The following SLC4A5 variants were observed in gnomAD, a reference collection of about 807,000 sequenced individuals.
The protein encoded by SLC4A5 is solute carrier family 4 member 5, also known as electrogenic sodium bicarbonate cotransporter 4.
Under a neutral mutation model 120.4 loss-of-function variants are expected in SLC4A5, and 96 were observed. The observed-to-expected ratio is 0.80, with a 90% CI of 0.68 to 0.94. The LOEUF (loss-of-function observed/expected upper bound fraction) is 0.94, where lower values mean the gene tolerates loss of function less well. Among genes scored for constraint, SLC4A5 ranks in the 40% least tolerant of loss-of-function variants. The pLI is 0.00. For synonymous variants in SLC4A5, 550 were observed against 571.1 expected (o/e 0.96, Z 0.53); for missense variants, 1,259 against 1,459.5 (o/e 0.86, Z 2.24).
chr2:74,248,875 G>A (rs1412898612), intron 17 of SLC4A5, among the ~76,000 whole-genome samples: 2 of 152,236 alleles, frequency 1.3e-5, no homozygotes, highest in Non-Finnish European at 2.9e-5. Context: ...AGTCCGCTGA[G>A]TGTCTGCTGT....
At chr2:74,262,099 G>T in intron 11 of SLC4A5, 38 bp downstream of exon 11, 1 of 1,591,258 alleles carries the variant, frequency 6.3e-7, no homozygotes, top group South Asian at 1.1e-5. Flanking sequence ...GCCACAGCCT[G>T]AATAAAGCTG....
At chr2:74,305,472 T>A (rs952334103) in intron 6 of SLC4A5, among the ~76,000 whole-genome samples, 1 of 152,170 alleles carries the variant, frequency 6.6e-6, no homozygotes, top group African/African-American at 2.4e-5. Context: ...CTTTCCCTAT[T>A]ATTAACATCT....
intron 5 of SLC4A5, among the ~76,000 whole-genome samples, chr2:74,321,816 A>T (rs147298466): frequency 4.6e-5 from 7 of 151,756 alleles, no homozygotes; most frequent in African/African-American, 1.7e-4. Flanking sequence ...CTCAGGCATG[A>T]GCTGGGATCT....
chr2:74,265,093 C>T lies in SLC4A5; in HGVS notation c.562+11G>A. ...CCACAGGAGAGATGCACACAGTGGC[C>T]CCTGCCTCACCTATGATCTGTGGTA... On this transcript the variant is annotated intron_variant, in intron 9 of 30. Coordinates refer to ENST00000394019, the Ensembl canonical transcript of SLC4A5. 1 of 1,609,408 alleles carries T rather than the reference C, an allele frequency of 6.2e-7. No individual in the cohort carries two copies. Among genetic ancestry groups the T allele is most frequent in the Admixed American group, 1.7e-5 (1 of 59,870 alleles).
In SLC4A5 at chr2:74,242,067, A is replaced by G; in HGVS notation, c.2060-15T>C. The G allele has an allele frequency of 3.1e-6, 5 of 1,601,172 alleles. No homozygotes were observed. Among genetic ancestry groups the G allele is most frequent in the Non-Finnish European group, 4.3e-6 (5 of 1,171,478 alleles). ...GGTTGTATTCACTGTGGATGAGCAC[A>G]TGACACGGGGCAGGGTCAGCAGCTG... On this transcript the variant is annotated splice_polypyrimidine_tract_variant and intron_variant, in intron 19 of 30. Coordinates refer to ENST00000394019, the Ensembl canonical transcript of SLC4A5.
At chr2:74,318,669 T>C (rs1011368103) in intron 5 of SLC4A5, among the ~76,000 whole-genome samples, 3 of 146,026 alleles carry the variant, frequency 2.1e-5, no homozygotes, top group Non-Finnish European at 4.5e-5. Context: ...GGCGACAGAG[T>C]GAGACTCTGT....
chr2:74,342,074 T>G (rs957480982), intron 2 of SLC4A5, among the ~76,000 whole-genome samples: 10 of 152,144 alleles, frequency 6.6e-5, no homozygotes, highest in African/African-American at 2.4e-4. Context: ...CCTCTTAAGA[T>G]AGGGAAGTAG....
At chr2:74,286,182 C>T (rs2104172600) in intron 7 of SLC4A5, among the ~76,000 whole-genome samples, 1 of 152,272 alleles carries the variant, frequency 6.6e-6, no homozygotes, top group Admixed American at 6.5e-5. Flanking sequence ...GAAGCCAGGG[C>T]AGTAGCAAGA....
chr2:74,266,410 A>G (rs1671303983), intron 8 of SLC4A5, among the ~76,000 whole-genome samples: 1 of 152,080 alleles, frequency 6.6e-6, no homozygotes, highest in Non-Finnish European at 1.5e-5. Context: ...CTGGGACTAC[A>G]TGCATGCACC....
chr2:74,231,557 T>G (rs1670085118), intron 24 of SLC4A5, among the ~76,000 whole-genome samples: 1 of 152,178 alleles, frequency 6.6e-6, no homozygotes, highest in African/African-American at 2.4e-5. Context: ...GGCTTGTAGC[T>G]GGGGGGCTTG....
chr2:74,236,407 T>C (rs1442167969), intron 21 of SLC4A5, among the ~76,000 whole-genome samples: 1 of 152,144 alleles, frequency 6.6e-6, no homozygotes, highest in Non-Finnish European at 1.5e-5. Flanking sequence ...ATATCTCTCA[T>C]TCTCCATCTT....
intron 8 of SLC4A5, among the ~76,000 whole-genome samples, chr2:74,281,151 C>T (rs931624753): frequency 1.3e-5 from 2 of 152,232 alleles, no homozygotes; most frequent in African/African-American, 2.4e-5. Context: ...CTTCTCCTGC[C>T]CTTCCCGGTC....
intron 21 of SLC4A5, among the ~76,000 whole-genome samples, chr2:74,236,206 T>C (rs949740051): frequency 1.3e-5 from 2 of 152,240 alleles, no homozygotes; most frequent in African/African-American, 2.4e-5. Context: ...TTAACTAATA[T>C]GCATATACTT....
Position 74,262,185 on chromosome 2 carries a change from A to C in SLC4A5, c.763T>G (p.Ser255Ala), listed in dbSNP as rs1349451721. ...TGCCGCATCCGCAGGTCTTCCGTGG[A>C]GTGGTGTAGACTCGGGCCAGCACCA... Residue 255 changes from serine to alanine, a missense_variant, in exon 11 of 31, where the codon TCC (serine) becomes GCC (alanine). Ser to Ala is a moderately conservative substitution (Grantham distance 99). Transcript: ENST00000394019. 5.0e-6 allele frequency: 8 copies of C among 1,613,670 alleles called. No homozygotes were observed. Among genetic ancestry groups the C allele is most frequent in the Non-Finnish European group, 6.8e-6 (8 of 1,179,900 alleles).
intron 20 of SLC4A5, among the ~76,000 whole-genome samples, chr2:74,240,305 T>G (rs1468447376): frequency 6.6e-6 from 1 of 152,172 alleles, no homozygotes; most frequent in Non-Finnish European, 1.5e-5. Context: ...TTTCTTGGCC[T>G]CTCCAGCAGC....
Position 74,343,080 on chromosome 2 carries a change from G to A in SLC4A5, c.-347+276C>T, listed in dbSNP as rs79062753. ...GAAACTGGAGTAGGGGGACACAGCAGAACAAAATCGCAACACTACTACAGG... is the reference window on the plus strand; with the variant it reads ...GAAACTGGAGTAGGGGGACACAGCAAAACAAAATCGCAACACTACTACAGG... On this transcript the variant is annotated intron_variant, in intron 1 of 30. Transcript: ENST00000394019. 4.1e-3 allele frequency among the ~76,000 whole-genome samples: 617 copies of A among 152,306 alleles called. 3 individuals carry two copies. Among genetic ancestry groups the A allele is most frequent in the South Asian group, 7.5e-3 (36 of 4,824 alleles).
At chr2:74,282,518 C>A (rs1326634607) in intron 8 of SLC4A5, among the ~76,000 whole-genome samples, 1 of 152,252 alleles carries the variant, frequency 6.6e-6, no homozygotes, top group Non-Finnish European at 1.5e-5. Context: ...GCAGGGAAAC[C>A]TACCACTTTG....
At chr2:74,302,155 T>C (rs536070832) in intron 7 of SLC4A5, among the ~76,000 whole-genome samples, 1 of 152,270 alleles carries the variant, frequency 6.6e-6, no homozygotes, top group Non-Finnish European at 1.5e-5. Context: ...AAAAGGGGTT[T>C]TTACTTTACT....
At position 74,219,193 on chromosome 2, in the gene SLC4A5, G is replaced by GTGTGTT. The variant is rs1173913067; in HGVS notation, c.*34-402_*34-401insAACACA. Among the ~76,000 whole-genome samples, 6 of 117,526 alleles carry GTGTGTT rather than the reference G, an allele frequency of 5.1e-5. No homozygotes were observed. In the South Asian group the frequency reaches 1.4e-3, roughly 27 times the overall value. The allele number at this position is 117,526 out of a possible 152,430, so 77.1% of individuals were successfully genotyped here. A position where few individuals can be genotyped will look rare whatever the true frequency, so the allele number is the denominator to read the frequency against. ...TCTTTGGAGGTGTGTGTGTGTGTGT[G>GTGTGTT]TGTGTGTGTGTGTGTGTGTGTGTGT... On this transcript the variant is annotated intron_variant, in intron 30 of 30. Coordinates refer to ENST00000394019, the Ensembl canonical transcript of SLC4A5.
Sources: allele counts gnomAD v4.1 joint callset (sites outside exome capture counted in the v4.1 genomes callset), GRCh38; gene constraint gnomAD v4.1.1; transcripts MANE v1.5; gene names NCBI Gene and HGNC (gene_info 2026-07-23, HGNC 2026-07-21).